RNGTT: variants seen among roughly 807,000 people sequenced by gnomAD.
The protein encoded by RNGTT is RNA guanylyltransferase and 5'-phosphatase, also known as mRNA-capping enzyme.
RNGTT carries 33 observed loss-of-function variants against 79.3 expected under a neutral mutation model. The observed-to-expected ratio is 0.42, with a 90% CI of 0.32 to 0.56. RNGTT has a LOEUF of 0.56. Ranked by LOEUF, RNGTT falls within the 20% of genes least tolerant of loss-of-function variation. RNGTT has a pLI of 0.17. For synonymous variants in RNGTT, 222 were observed against 235.9 expected, an observed-to-expected ratio of 0.94 and a Z score of 0.54; for missense variants, 497 against 739.1, an observed-to-expected ratio of 0.67 and a Z score of 3.80.
intron 14 of RNGTT, among the ~76,000 whole-genome samples, chr6:88,628,754 T>G (rs978401047): frequency 2.6e-5 from 4 of 152,156 alleles, no homozygotes; most frequent in Non-Finnish European, 5.9e-5. Context: ...AGCATTTGGA[T>G]CTAGAGCTCT....
At position 88,610,223 on chromosome 6, in the gene RNGTT, G is replaced by T. The variant is rs1264583963; in HGVS notation, c.*2496C>A. 1 of 152,626 alleles carries T rather than the reference G, an allele frequency of 6.6e-6. No individual in the cohort carries two copies. The highest frequency in any genetic ancestry group is 2.4e-5 in the African/African-American group (1 of 41,442). 9.5% of individuals were successfully genotyped at this position (152,626 alleles called of 1,614,324 possible). A position where few individuals can be genotyped will look rare whatever the true frequency, so the allele number is the denominator to read the frequency against. On this transcript the variant is annotated 3_prime_UTR_variant, in exon 16 of 16. Coordinates refer to ENST00000369485, the MANE Select transcript of RNGTT (RefSeq NM_003800.5). ...GCAGTAGGATGTGATGCCAGCAATAGAAGGGACACAAGAGTATCACCAGTA... is the reference window on the plus strand; with the variant it reads ...GCAGTAGGATGTGATGCCAGCAATATAAGGGACACAAGAGTATCACCAGTA...
intron 4 of RNGTT, among the ~76,000 whole-genome samples, chr6:88,927,010 C>T (rs903156137): frequency 4.6e-5 from 7 of 151,720 alleles, no homozygotes; most frequent in African/African-American, 1.2e-4. Context: ...CTAGTTTTTC[C>T]GTTAATTATC....
At chr6:88,937,732 T>TA (rs1784713094) in intron 2 of RNGTT, among the ~76,000 whole-genome samples, 1 of 152,192 alleles carries the variant, frequency 6.6e-6, no homozygotes, top group Non-Finnish European at 1.5e-5. Context: ...TAGGTTTTGG[T>TA]ATGTTGTGTT....
intron 10 of RNGTT, among the ~76,000 whole-genome samples, chr6:88,848,460 T>C (rs1158082320): frequency 6.9e-6 from 1 of 144,484 alleles, no homozygotes; most frequent in Non-Finnish European, 1.5e-5. Flanking sequence ...ATGGAAACCT[T>C]AATGTTCATC....
At chr6:88,936,464 C>G (rs147897517) in intron 2 of RNGTT, among the ~76,000 whole-genome samples, 1 of 152,324 alleles carries the variant, frequency 6.6e-6, no homozygotes, top group Non-Finnish European at 1.5e-5. Flanking sequence ...ATTCTCAGGG[C>G]AAAAGCTGAA....
intron 11 of RNGTT, among the ~76,000 whole-genome samples, chr6:88,843,187 A>C (rs1781359935): frequency 6.6e-6 from 1 of 151,660 alleles, no homozygotes; most frequent in African/African-American, 2.4e-5. Context: ...TGGGAAAATG[A>C]GCTCTCTCAT....
intron 13 of RNGTT, among the ~76,000 whole-genome samples, chr6:88,742,990 T>G (rs1477151050): frequency 2.0e-5 from 3 of 152,158 alleles, no homozygotes; most frequent in African/African-American, 7.2e-5. Context: ...AAATAGGCAT[T>G]ACAGGGCTAG....
At chr6:88,686,972 A>G (rs766799257) in intron 13 of RNGTT, among the ~76,000 whole-genome samples, 6 of 151,398 alleles carry the variant, frequency 4.0e-5, no homozygotes, top group African/African-American at 1.5e-4. Context: ...CATACTATGT[A>G]AAAATTTTTT....
chr6:88,837,906 T>G (rs1023169341), intron 11 of RNGTT, among the ~76,000 whole-genome samples: 2 of 152,092 alleles, frequency 1.3e-5, no homozygotes, highest in African/African-American at 4.8e-5. Flanking sequence ...TCCCCATAAC[T>G]ACTGCCACAA....
intron 13 of RNGTT, among the ~76,000 whole-genome samples, chr6:88,733,820 GA>G (rs71021388): frequency 0.013 from 1,785 of 142,790 alleles, 19 homozygotes; most frequent in Non-Finnish European, 0.019. Context: ...GTGTTGAAAG[GA>G]AAAAAAAAAA....
chr6:88,771,405 A>G (rs1778678771), intron 12 of RNGTT, among the ~76,000 whole-genome samples: 1 of 148,786 alleles, frequency 6.7e-6, no homozygotes, highest in Non-Finnish European at 1.5e-5. Flanking sequence ...GCATTAACAT[A>G]TATGTCTTTC....
chr6:88,905,462 C>A (rs559786200), intron 5 of RNGTT, among the ~76,000 whole-genome samples: 1 of 152,300 alleles, frequency 6.6e-6, no homozygotes, highest in East Asian at 1.9e-4. Context: ...TACAGAACCA[C>A]CAACAATGCA....
chr6:88,881,550 T>G (rs1331418728), intron 8 of RNGTT, among the ~76,000 whole-genome samples: 1 of 152,160 alleles, frequency 6.6e-6, no homozygotes, highest in African/African-American at 2.4e-5. Flanking sequence ...ACTTCATTTT[T>G]ATTCCAAATA....
chr6:88,909,441 T>C (rs1486576681), intron 4 of RNGTT, among the ~76,000 whole-genome samples: 1 of 152,146 alleles, frequency 6.6e-6, no homozygotes, highest in Non-Finnish European at 1.5e-5. Flanking sequence ...CCAGACCACC[T>C]GCAGACATAC....
At chr6:88,630,762 CATTCTT>C (rs1333279836) in intron 14 of RNGTT, among the ~76,000 whole-genome samples, 2 of 151,562 alleles carry the variant, frequency 1.3e-5, no homozygotes, top group Non-Finnish European at 2.9e-5. Context: ...CAAAGTAACT[CATTCTT>C]AGTTACATTT....
At chr6:88,881,509 G>A (rs1406270162) in intron 8 of RNGTT, among the ~76,000 whole-genome samples, 3 of 152,058 alleles carry the variant, frequency 2.0e-5, no homozygotes, top group East Asian at 1.9e-4. Flanking sequence ...CAGCCAAATC[G>A]AAAGTCCCAC....
intron 13 of RNGTT, among the ~76,000 whole-genome samples, chr6:88,691,891 A>G (rs1263891305): frequency 6.6e-6 from 1 of 152,190 alleles, no homozygotes; most frequent in African/African-American, 2.4e-5. Flanking sequence ...GTGATAGATG[A>G]ATATTTTAAG....
At chr6:88,880,677 T>G (rs1782669278) in intron 8 of RNGTT, among the ~76,000 whole-genome samples, 1 of 152,170 alleles carries the variant, frequency 6.6e-6, no homozygotes, top group Non-Finnish European at 1.5e-5. Context: ...CAGTACTTAT[T>G]AAAACCATTT....
intron 11 of RNGTT, among the ~76,000 whole-genome samples, 190 bp from the exon 12 acceptor site, chr6:88,801,822 G>GACAC (rs56124919): frequency 0.042 from 5,220 of 123,190 alleles, 161 homozygotes; most frequent in African/African-American, 0.091. Context: ...CACACACACA[G>GACAC]ACACACACAC....
Sources: allele counts gnomAD v4.1 joint callset (sites outside exome capture counted in the v4.1 genomes callset), GRCh38; gene constraint gnomAD v4.1.1; transcripts MANE v1.5; gene names NCBI Gene and HGNC (gene_info 2026-07-23, HGNC 2026-07-21).